Variants in PTPRA observed in about 807,000 individuals in gnomAD.
The protein encoded by PTPRA is protein tyrosine phosphatase receptor type A, also known as receptor-type tyrosine-protein phosphatase alpha.
Under a neutral mutation model 104.8 loss-of-function variants are expected in PTPRA, and 25 were observed. The ratio of observed to expected loss-of-function variants is 0.24; its 90% CI spans 0.17 to 0.33. The LOEUF is 0.33. Among genes scored for constraint, PTPRA ranks in the 10% least tolerant of loss-of-function variants. The probability of loss-of-function intolerance (pLI) is 1.00; values close to 1 mark genes in which losing one functional copy is unlikely to be tolerated. For missense variants in PTPRA, 765 were observed against 1,015.3 expected (o/e 0.75, Z 3.35); for synonymous variants, 323 against 368.9 (o/e 0.88, Z 1.43).
chr20:2,942,391 A>G (rs1471267001), intron 2 of PTPRA, among the ~76,000 whole-genome samples: 2 of 152,046 alleles, frequency 1.3e-5, no homozygotes, highest in African/African-American at 4.8e-5. Context: ...TAGTATTTTC[A>G]TGGCTTATTT....
chr20:2,943,953 A>G (rs532754185), intron 2 of PTPRA, among the ~76,000 whole-genome samples: 97 of 152,050 alleles, frequency 6.4e-4, no homozygotes, highest in African/African-American at 2.2e-3. Flanking sequence ...CAAATTTAAT[A>G]TTTTAAAGCA....
the PTPRA span, chr20:2,866,586 T>G: frequency 6.2e-7 from 1 of 1,613,492 alleles, no homozygotes; most frequent in Non-Finnish European, 8.5e-7. Flanking sequence ...GAGTCCATCC[T>G]GTACATCTCA....
rs1170217462 is a variant in PTPRA at position 3,038,142 on chromosome 20, A to G, written c.*9A>G. ...ATGCCAACTTCAAGTAAGCGGCAAC[A>G]AGGGTCCGTGGACCAGGAGGATTGC... is the stretch of plus-strand genomic sequence containing the variant. On this transcript the variant is annotated 3_prime_UTR_variant, in exon 24 of 24. Coordinates refer to ENST00000399903, the MANE Select transcript of PTPRA (RefSeq NM_001385305.1). 3.7e-6 allele frequency: 6 copies of G among 1,601,210 alleles called. No homozygotes were observed. The African/African-American group carries it at 6.7e-5, about 18-fold the overall frequency.
upstream of PTPRA, among the ~76,000 whole-genome samples, chr20:2,873,232 T>G (rs963411911): frequency 4.6e-5 from 7 of 152,164 alleles, no homozygotes; most frequent in Admixed American, 3.3e-4. This position sits in a 1 kb window ranked among gnomAD's most constrained non-coding sequence, Gnocchi z 4.4. Context: ...GTAGAATGGC[T>G]GAAGGCACTG....
At chr20:2,929,020 A>G (rs928291087) in intron 2 of PTPRA, among the ~76,000 whole-genome samples, 2 of 151,950 alleles carry the variant, frequency 1.3e-5, no homozygotes, top group African/African-American at 4.8e-5. Flanking sequence ...TAGTAGTGAC[A>G]GGGTCTCACT....
intron 6 of PTPRA, among the ~76,000 whole-genome samples, chr20:2,977,137 G>A (rs900051764): frequency 3.9e-4 from 60 of 151,904 alleles, no homozygotes; most frequent in Non-Finnish European, 6.3e-4. Context: ...TTAGCCGGGC[G>A]TGGTGGTGTG....
chr20:2,874,483 A>C (rs2089585329), intron 1 of PTPRA, among the ~76,000 whole-genome samples: 1 of 152,172 alleles, frequency 6.6e-6, no homozygotes, highest in African/African-American at 2.4e-5. Context: ...CAGGAAAAGA[A>C]GAATGTGCAA....
chr20:2,898,812 T>C (rs897371975), intron 1 of PTPRA, among the ~76,000 whole-genome samples: 2 of 151,846 alleles, frequency 1.3e-5, no homozygotes, highest in African/African-American at 4.8e-5. Context: ...GAGCTGAGAT[T>C]GCGCCACTGC....
At chr20:3,011,404 A>G (rs552499936) in intron 11 of PTPRA, among the ~76,000 whole-genome samples, 30 of 152,354 alleles carry the variant, frequency 2.0e-4, no homozygotes, top group African/African-American at 7.2e-4. Context: ...CTCATATACT[A>G]CACAGGTAGT....
At chr20:2,953,012 G>T (rs74571673) in intron 3 of PTPRA, among the ~76,000 whole-genome samples, 4 of 152,158 alleles carry the variant, frequency 2.6e-5, no homozygotes, top group Admixed American at 6.5e-5. Context: ...TGCTGTGAAT[G>T]TTGTTGTATA....
At chr20:3,015,789 A>C in intron 11 of PTPRA, 60 bp from the exon 12 acceptor site, 65 of 1,385,478 alleles carry the variant, frequency 4.7e-5, no homozygotes, top group Non-Finnish European at 5.8e-5. Context: ...AGACTGGAGA[A>C]TTTCATTTCT....
chr20:2,869,973 T>TAA (rs201803975), upstream of PTPRA, among the ~76,000 whole-genome samples: 1 of 149,474 alleles, frequency 6.7e-6, no homozygotes, highest in Non-Finnish European at 1.5e-5. Context: ...AACTCTGTCT[T>TAA]AAAAATATAT....
At chr20:2,884,816 T>G (rs1201741894) in intron 1 of PTPRA, among the ~76,000 whole-genome samples, 2 of 148,436 alleles carry the variant, frequency 1.3e-5, no homozygotes, top group African/African-American at 2.5e-5. Context: ...TTTTTTGTTT[T>G]TTTTTTTTTT....
intron 6 of PTPRA, among the ~76,000 whole-genome samples, chr20:2,979,286 T>C (rs1012241080): frequency 1.3e-5 from 2 of 152,230 alleles, no homozygotes; most frequent in Admixed American, 6.5e-5. Context: ...AGATTATTTC[T>C]TTTGGCCTGA....
chr20:3,034,001 G>A (rs910925874), intron 20 of PTPRA, among the ~76,000 whole-genome samples: 21 of 151,602 alleles, frequency 1.4e-4, no homozygotes, highest in African/African-American at 5.1e-4. Flanking sequence ...AGATGTGGTG[G>A]CTCACGCCTG....
intron 5 of PTPRA, among the ~76,000 whole-genome samples, chr20:2,966,202 ACAGCATTTGCAGTTAAGAG>A (rs2061940402): frequency 6.6e-6 from 1 of 152,190 alleles, no homozygotes; most frequent in Admixed American, 6.5e-5. Context: ...TAAAGACAAG[ACAGCATTTGCAGTTAAGAG>A]CACAGTCTTC....
Position 3,035,806 on chromosome 20 carries a change from A to C in PTPRA, c.2063A>C (p.Gln688Pro). The C allele has an allele frequency of 6.2e-7, 1 of 1,614,200 alleles. No homozygotes were observed. Among genetic ancestry groups the C allele is most frequent in the Non-Finnish European group, 8.5e-7 (1 of 1,180,022 alleles). ...TTTCCAAAGGAGAATAAGAGCCGGC[A>C]GATCCGGCAGTTCCACTTCCATGGC... ...VTNTRENKSRQIRQFHFHGWP... is the reference protein window; with the variant it reads ...VTNTRENKSRPIRQFHFHGWP... Residue 688 changes from glutamine to proline, a missense_variant, in exon 22 of 24, where the codon CAG (glutamine) becomes CCG (proline). By Grantham distance (76) the Gln-to-Pro change is moderately conservative. Around this residue, in one of 4 missense-constraint regions of PTPRA, gnomAD observed 192 missense variants for 227.0 expected, o/e 0.85. Transcript: ENST00000399903. The surrounding 1 kb of genome is among the most constrained non-coding windows in gnomAD (Gnocchi z 5.8).
chr20:2,864,719 C>G, the PTPRA span: 1 of 1,540,870 alleles, frequency 6.5e-7, no homozygotes, highest in Non-Finnish European at 8.9e-7. The surrounding 1 kb of genome is among the most constrained non-coding windows in gnomAD (Gnocchi z 5.2). Context: ...GGTCCGGTTC[C>G]TTCAGGAATC....
intron 1 of PTPRA, among the ~76,000 whole-genome samples, chr20:2,916,911 G>C (rs938849698): frequency 6.6e-6 from 1 of 151,584 alleles, no homozygotes; most frequent in Admixed American, 6.6e-5. Context: ...TTGGCCATTC[G>C]GAGTCCCTTG....
Sources: allele counts gnomAD v4.1 joint callset (sites outside exome capture counted in the v4.1 genomes callset), GRCh38; gene constraint gnomAD v4.1.1; regional missense constraint gnomAD v4.1.1; non-coding constraint Gnocchi (gnomAD v3.1); transcripts MANE v1.5; gene names NCBI Gene and HGNC (gene_info 2026-07-23, HGNC 2026-07-21).